Variants in TIMP3 observed in about 807,000 individuals in gnomAD.
TIMP3 encodes the protein TIMP metallopeptidase inhibitor 3, also known as metalloproteinase inhibitor 3.
Under a neutral mutation model 30.0 loss-of-function variants are expected in TIMP3, and 11 were observed. The ratio of observed to expected loss-of-function variants is 0.37; its 90% CI spans 0.23 to 0.61. TIMP3 has a LOEUF of 0.61. Ranked by LOEUF, TIMP3 falls within the 20% of genes least tolerant of loss-of-function variation. The probability of loss-of-function intolerance (pLI) is 0.70; values close to 1 mark genes in which losing one functional copy is unlikely to be tolerated. For missense variants in TIMP3, 181 were observed against 276.8 expected (o/e 0.65, Z 2.45); for synonymous variants, 112 against 111.3 (o/e 1.01, Z -0.04).
rs1317113625 is a variant in TIMP3 at position 32,801,975 on chromosome 22, G to GC, written c.-23dup. On this transcript the variant is annotated 5_prime_UTR_variant, in exon 1 of 5. Coordinates refer to ENST00000266085, the MANE Select transcript of TIMP3 (RefSeq NM_000362.5). This position sits in a 1 kb window ranked among gnomAD's most constrained non-coding sequence, Gnocchi z 4.7. ...GGCAACTTTGGAGAGGCGAGCAGCAGCCCCGGCAGCGGCGGCAGCAGCGGC... is the reference window on the plus strand; with the variant it reads ...GGCAACTTTGGAGAGGCGAGCAGCAGCCCCCGGCAGCGGCGGCAGCAGCGGC... 1 of 1,580,344 alleles carries GC rather than the reference G, an allele frequency of 6.3e-7. No homozygotes were observed. The highest frequency in any genetic ancestry group is 1.1e-5 in the South Asian group (1 of 87,406).
chr22:32,823,240 G>C (rs190772142), intron 1 of TIMP3, among the ~76,000 whole-genome samples: 1 of 152,302 alleles, frequency 6.6e-6, no homozygotes, highest in East Asian at 1.9e-4. Context: ...GGTGGGACTT[G>C]TAAGTCCCGT....
chr22:32,808,332 T>C (rs997429383), intron 1 of TIMP3, among the ~76,000 whole-genome samples: 2 of 152,120 alleles, frequency 1.3e-5, no homozygotes, highest in Non-Finnish European at 2.9e-5. Context: ...CACTCATCTG[T>C]CTCCCTTCTT....
At chr22:32,849,629 G>A in intron 2 of TIMP3, 95 bp downstream of exon 2, 2 of 1,078,002 alleles carry the variant, frequency 1.9e-6, no homozygotes, top group South Asian at 2.7e-5. Context: ...GAACTGGGGT[G>A]TGTGTCTAAG....
chr22:32,851,260 G>T (rs941379847), intron 2 of TIMP3, among the ~76,000 whole-genome samples: 1 of 152,142 alleles, frequency 6.6e-6, no homozygotes, highest in Non-Finnish European at 1.5e-5. Flanking sequence ...TCCTCATTAC[G>T]AGACACTCGG....
At chr22:32,812,228 T>C (rs1316504726) in intron 1 of TIMP3, among the ~76,000 whole-genome samples, 1 of 152,220 alleles carries the variant, frequency 6.6e-6, no homozygotes, top group Non-Finnish European at 1.5e-5. Context: ...GCTGAATAAC[T>C]CAGCACCTAA....
At chr22:32,854,004 A>G (rs1313452927) in intron 2 of TIMP3, among the ~76,000 whole-genome samples, 1 of 152,220 alleles carries the variant, frequency 6.6e-6, no homozygotes, top group African/African-American at 2.4e-5. Flanking sequence ...TACCTTTAAC[A>G]TCTTTTCCAA....
intron 1 of TIMP3, among the ~76,000 whole-genome samples, chr22:32,834,022 C>G (rs992799182): frequency 4.6e-5 from 7 of 152,184 alleles, no homozygotes; most frequent in Non-Finnish European, 8.8e-5. Flanking sequence ...GTGTTCATCC[C>G]TGGTACTCTC....
At chr22:32,809,049 A>T (rs925567412) in intron 1 of TIMP3, among the ~76,000 whole-genome samples, 14 of 152,202 alleles carry the variant, frequency 9.2e-5, no homozygotes, top group Admixed American at 7.9e-4. Flanking sequence ...CCTGCAGGAG[A>T]TCACAAACAT....
chr22:32,809,367 T>A (rs1029991600), intron 1 of TIMP3, among the ~76,000 whole-genome samples: 1 of 152,222 alleles, frequency 6.6e-6, no homozygotes. Flanking sequence ...TCCCCGTCAG[T>A]CTGCTTATCT....
chr22:32,843,268 G>A (rs915014450), intron 1 of TIMP3, among the ~76,000 whole-genome samples: 3 of 152,236 alleles, frequency 2.0e-5, no homozygotes, highest in South Asian at 4.1e-4. Context: ...AATGGTAGTG[G>A]TTGTTATCAG....
At chr22:32,813,536 C>CGT (rs1231172505) in intron 1 of TIMP3, among the ~76,000 whole-genome samples, 1 of 143,252 alleles carries the variant, frequency 7.0e-6, no homozygotes, top group Non-Finnish European at 1.5e-5. Context: ...CACACACACA[C>CGT]GTGGACCAAA....
Position 32,860,646 on chromosome 22 carries a change from G to A in TIMP3, c.*1269G>A, listed in dbSNP as rs2048509670. The A allele has an allele frequency of 6.6e-6, 1 of 152,540 alleles. No homozygotes were observed. The highest frequency in any genetic ancestry group is 6.6e-5 in the Admixed American group (1 of 15,262). The allele number at this position is 152,540 out of a possible 1,614,324, so 9.4% of individuals were successfully genotyped here. A position where few individuals can be genotyped will look rare whatever the true frequency, so the allele number is the denominator to read the frequency against. On this transcript the variant is annotated 3_prime_UTR_variant, in exon 5 of 5. Coordinates refer to ENST00000266085, the MANE Select transcript of TIMP3 (RefSeq NM_000362.5). ...CTCCTTGTCCCTGCTTCATGTTTGGGGGCCTTTCTTTAACTGCCTTCCTGG... is the reference window on the plus strand; with the variant it reads ...CTCCTTGTCCCTGCTTCATGTTTGGAGGCCTTTCTTTAACTGCCTTCCTGG...
At chr22:32,831,418 T>C (rs2047569922) in intron 1 of TIMP3, among the ~76,000 whole-genome samples, 1 of 152,144 alleles carries the variant, frequency 6.6e-6, no homozygotes, top group South Asian at 2.1e-4. Flanking sequence ...GAGAGCTGTT[T>C]CAGCTACTTC....
At chr22:32,822,627 C>A (rs547793983) in intron 1 of TIMP3, among the ~76,000 whole-genome samples, 7 of 152,184 alleles carry the variant, frequency 4.6e-5, no homozygotes, top group Non-Finnish European at 1.0e-4. Context: ...ATGTCTATTG[C>A]AAATAGACTG....
chr22:32,842,667 T>TA (rs2047945570), intron 1 of TIMP3, among the ~76,000 whole-genome samples: 2 of 152,232 alleles, frequency 1.3e-5, no homozygotes, highest in Admixed American at 1.3e-4. Context: ...ATCAATCTAA[T>TA]TAACTTCAAA....
intron 1 of TIMP3, among the ~76,000 whole-genome samples, chr22:32,828,751 C>G (rs940310499): frequency 9.9e-5 from 15 of 152,202 alleles, no homozygotes; most frequent in African/African-American, 3.1e-4. Flanking sequence ...AGACTGAGCT[C>G]TTTCCTTCCC....
chr22:32,820,473 C>G (rs1269178248), intron 1 of TIMP3, among the ~76,000 whole-genome samples: 1 of 152,062 alleles, frequency 6.6e-6, no homozygotes, highest in Non-Finnish European at 1.5e-5. Context: ...AAAACCTGCA[C>G]CTGAAAGCCG....
At chr22:32,805,042 C>T (rs564123169) in intron 1 of TIMP3, among the ~76,000 whole-genome samples, 3 of 151,826 alleles carry the variant, frequency 2.0e-5, no homozygotes, top group East Asian at 3.9e-4. Flanking sequence ...TGTGTGTGTG[C>T]GCGTGTGTGG....
chr22:32,841,900 A>G (rs1413769936), intron 1 of TIMP3, among the ~76,000 whole-genome samples: 1 of 152,154 alleles, frequency 6.6e-6, no homozygotes, highest in African/African-American at 2.4e-5. Context: ...GGCGGTGGCA[A>G]AAGCGTGGGA....
Sources: gnomAD v4.1 joint callset for allele counts (sites outside exome capture counted in the v4.1 genomes callset) on GRCh38, gnomAD v4.1.1 for gene constraint, Gnocchi (gnomAD v3.1) non-coding constraint, MANE v1.5 for transcripts, NCBI Gene and HGNC (gene_info 2026-07-23, HGNC 2026-07-21) for gene names.